EIF4G3: variants seen among roughly 807,000 people sequenced by gnomAD.
EIF4G3 encodes eukaryotic translation initiation factor 4 gamma 3.
Under a neutral mutation model 186.4 loss-of-function variants are expected in EIF4G3, and 34 were observed. That is an observed-to-expected ratio of 0.18 (90% CI 0.14 to 0.24). The LOEUF (loss-of-function observed/expected upper bound fraction) is 0.24, where lower values mean the gene tolerates loss of function less well. EIF4G3 is among the 10% of genes least tolerant of loss of function. EIF4G3 has a pLI of 1.00. For synonymous variants in EIF4G3, 673 were observed against 679.5 expected, an observed-to-expected ratio of 0.99 and a Z score of 0.15; for missense variants, 1,536 against 1,948.5, an observed-to-expected ratio of 0.79 and a Z score of 3.99.
At chr1:21,118,543 T>C (rs972650637) in intron 2 of EIF4G3, among the ~76,000 whole-genome samples, 1 of 152,028 alleles carries the variant, frequency 6.6e-6, no homozygotes, top group African/African-American at 2.4e-5. Context: ...ACCCAACACT[T>C]TGGGAGGCGG....
intron 2 of EIF4G3, among the ~76,000 whole-genome samples, chr1:21,151,672 G>A (rs2097553112): frequency 6.6e-6 from 1 of 151,420 alleles, no homozygotes; most frequent in African/African-American, 2.4e-5. Context: ...AATCTTACTT[G>A]AATACCAACT....
intron 10 of EIF4G3, among the ~76,000 whole-genome samples, chr1:20,978,211 G>A (rs1315455121): frequency 6.6e-6 from 1 of 152,062 alleles, no homozygotes; most frequent in East Asian, 1.9e-4. Flanking sequence ...CATAAAAATG[G>A]TGACAAAGGT....
intron 20 of EIF4G3, among the ~76,000 whole-genome samples, chr1:20,878,476 T>G (rs568303977): frequency 7.2e-5 from 11 of 152,192 alleles, no homozygotes; most frequent in Non-Finnish European, 1.3e-4. Flanking sequence ...TTCAAATGGA[T>G]TTTGAATTCC....
At chr1:21,150,733 T>C (rs2097536178) in intron 2 of EIF4G3, among the ~76,000 whole-genome samples, 1 of 152,174 alleles carries the variant, frequency 6.6e-6, no homozygotes, top group Non-Finnish European at 1.5e-5. Context: ...TCCCAGCACT[T>C]TGGGAGGCCG....
At chr1:21,026,866 G>C (rs2092176067) in intron 4 of EIF4G3, among the ~76,000 whole-genome samples, 1 of 151,544 alleles carries the variant, frequency 6.6e-6, no homozygotes, top group South Asian at 2.1e-4. Context: ...AAACCCAGGA[G>C]GCGGAGGTTG....
chr1:21,100,487 C>T (rs946408959), intron 2 of EIF4G3, among the ~76,000 whole-genome samples: 1 of 152,092 alleles, frequency 6.6e-6, no homozygotes, highest in Admixed American at 6.5e-5. Flanking sequence ...CTACCACTCT[C>T]ACCCCAGGAT....
intron 10 of EIF4G3, among the ~76,000 whole-genome samples, chr1:20,973,625 A>G (rs1293076450): frequency 1.3e-5 from 2 of 152,208 alleles, no homozygotes; most frequent in Non-Finnish European, 2.9e-5. Flanking sequence ...GGTGGAAAAA[A>G]GGCTCAGAAC....
chr1:20,999,402 G>A (rs1216909759), intron 6 of EIF4G3: 3 of 342,682 alleles, frequency 8.8e-6, no homozygotes, highest in Non-Finnish European at 1.7e-5. Flanking sequence ...TATGAAAGTA[G>A]GGAGTGGAGT....
chr1:20,899,849 T>C lies in EIF4G3; in HGVS notation c.1847A>G (p.Asp616Gly). ...TTCCACAGCTTTCACTTTTTTTAGG[T>C]CAGAGGGGTCTCTTTCAGGATGAAA... ...QGFHPERDPS[D>G]LKKVKAVEEN... Residue 616 changes from aspartate (D) to glycine (G), a missense_variant, in exon 16 of 37, where the codon GAC (aspartate) becomes GGC (glycine). By Grantham distance (94) the Asp-to-Gly change is moderately conservative (BLOSUM62 -1). This residue lies in a region of EIF4G3 where 560 missense variants were observed against 547.8 expected (regional missense o/e 1.02). Coordinates refer to ENST00000602326, the MANE Select transcript of EIF4G3 (RefSeq NM_001391906.1). 1 of 1,614,142 alleles carries C rather than the reference T, an allele frequency of 6.2e-7. No homozygotes were observed. The highest frequency in any genetic ancestry group is 8.5e-7 in the Non-Finnish European group (1 of 1,180,006).
chr1:20,814,529 A>G (rs10753506), intron 34 of EIF4G3, among the ~76,000 whole-genome samples: 88,296 of 151,730 alleles, frequency 0.58, 26,066 homozygotes, highest in East Asian at 0.83. Context: ...ATGAAAGAAC[A>G]ACACCACAAC....
chr1:20,863,378 T>TAAAAAAAAAAAA (rs3051243), intron 22 of EIF4G3, among the ~76,000 whole-genome samples: 1 of 102,474 alleles, frequency 9.8e-6, no homozygotes, highest in Admixed American at 1.1e-4. Flanking sequence ...CTACAAAAAG[T>TAAAAAAAAAAAA]AAAAAAAAAA....
In EIF4G3 at chr1:20,810,027, G is replaced by A. The variant is rs1197428969; in HGVS notation, c.4744+711C>T. ...GCTCTGTTGTCCAGGCCGGAGTGCA[G>A]TGGCGCCATCTTGGCTTAGTGCAAA... On this transcript the variant is annotated intron_variant, in intron 36 of 36. Transcript: ENST00000602326. The surrounding 1 kb of genome is among the most constrained non-coding windows in gnomAD (Gnocchi z 4.1). Among the ~76,000 whole-genome samples, 1 of 151,890 alleles carries A rather than the reference G, an allele frequency of 6.6e-6. No individual in the cohort carries two copies. The highest frequency in any genetic ancestry group is 2.4e-5 in the African/African-American group (1 of 41,320).
At chr1:21,120,926 T>C (rs758816467) in intron 2 of EIF4G3, among the ~76,000 whole-genome samples, 3 of 152,170 alleles carry the variant, frequency 2.0e-5, no homozygotes, top group Non-Finnish European at 2.9e-5. Flanking sequence ...AAATGGTTTT[T>C]GGGGTGTTTT....
At chr1:21,070,235 A>G (rs868372284) in intron 3 of EIF4G3, among the ~76,000 whole-genome samples, 1 of 151,658 alleles carries the variant, frequency 6.6e-6, no homozygotes, top group African/African-American at 2.4e-5. Flanking sequence ...AAGACTGTGG[A>G]AAAAAAAAGT....
rs567193086 is a variant in EIF4G3 at position 21,103,936 on chromosome 1, G to GC, written c.-271-14724dup. On this transcript the variant is annotated intron_variant, in intron 2 of 36. Transcript: ENST00000602326. Reference sequence around the variant, plus strand: ...ACAGAATTCCTTACCATTTCATGCTGCAGGGGTCTTGGAGTCAGACAATCT... The same window carrying GC: ...ACAGAATTCCTTACCATTTCATGCTGCCAGGGGTCTTGGAGTCAGACAATCT... 1.7e-4 allele frequency among the ~76,000 whole-genome samples: 26 copies of GC among 152,220 alleles called. No homozygotes were observed. The East Asian group carries it at 5.0e-3, about 29-fold the overall frequency.
intron 30 of EIF4G3, among the ~76,000 whole-genome samples, chr1:20,839,115 T>C (rs1375431927): frequency 1.3e-5 from 2 of 152,126 alleles, no homozygotes; most frequent in Non-Finnish European, 2.9e-5. Context: ...GTAGCTGGGA[T>C]TACAGGTGCG....
At chr1:20,896,694 C>G (rs2088270505) in intron 16 of EIF4G3, among the ~76,000 whole-genome samples, 1 of 152,158 alleles carries the variant, frequency 6.6e-6, no homozygotes, top group South Asian at 2.1e-4. Flanking sequence ...CTTTTACATT[C>G]ACTCACCACT....
intron 3 of EIF4G3, among the ~76,000 whole-genome samples, chr1:21,052,996 C>T (rs2094330980): frequency 6.6e-6 from 1 of 152,110 alleles, no homozygotes; most frequent in Non-Finnish European, 1.5e-5. Context: ...CTCTGCCCGG[C>T]CGCCACCCCG....
At chr1:20,937,580 A>T (rs1236415037) in intron 14 of EIF4G3, among the ~76,000 whole-genome samples, 2 of 152,208 alleles carry the variant, frequency 1.3e-5, no homozygotes, top group Admixed American at 1.3e-4. Flanking sequence ...AAAAATTAGA[A>T]ATCTCCCTCT....
Sources: allele counts gnomAD v4.1 joint callset (sites outside exome capture counted in the v4.1 genomes callset), GRCh38; gene constraint gnomAD v4.1.1; regional missense constraint gnomAD v4.1.1; non-coding constraint Gnocchi (gnomAD v3.1); transcripts MANE v1.5; gene names NCBI Gene and HGNC (gene_info 2026-07-23, HGNC 2026-07-21).